NGF: variants seen among roughly 807,000 people sequenced by gnomAD.
NGF encodes the protein beta-nerve growth factor.
A neutral mutation model predicts 12.8 loss-of-function variants in NGF; 4 were observed. The ratio of observed to expected loss-of-function variants is 0.31; its 90% CI spans 0.15 to 0.72. The LOEUF is 0.72. Ranked by LOEUF, NGF falls within the 30% of genes least tolerant of loss-of-function variation. The probability of loss-of-function intolerance (pLI) is 0.69; values close to 1 mark genes in which losing one functional copy is unlikely to be tolerated. For synonymous variants in NGF, 140 were observed against 130.0 expected, an observed-to-expected ratio of 1.08 and a Z score of -0.52; for missense variants, 283 against 330.8, an observed-to-expected ratio of 0.86 and a Z score of 1.12.
intron 1 of NGF, among the ~76,000 whole-genome samples, chr1:115,329,744 CTTTTTTTTTTT>C (rs1039991768): frequency 3.4e-4 from 35 of 103,980 alleles, no homozygotes; most frequent in African/African-American, 1.2e-3. Context: ...TTCTTTCTTT[CTTTTTTTTTTT>C]TTTTTTTTTT....
At chr1:115,321,118 G>A (rs921796403) in intron 1 of NGF, among the ~76,000 whole-genome samples, 4 of 152,288 alleles carry the variant, frequency 2.6e-5, no homozygotes, top group South Asian at 4.1e-4. Flanking sequence ...GGACCAGCAC[G>A]TGGAACTCTC....
intron 1 of NGF, among the ~76,000 whole-genome samples, chr1:115,302,995 T>C (rs1440841010): frequency 6.6e-6 from 1 of 152,188 alleles, no homozygotes; most frequent in Admixed American, 6.5e-5. Flanking sequence ...TTTTCCTTCT[T>C]TCCACAGACC....
At chr1:115,302,711 G>A (rs1263777253) in intron 1 of NGF, among the ~76,000 whole-genome samples, 3 of 152,264 alleles carry the variant, frequency 2.0e-5, no homozygotes, top group East Asian at 1.9e-4. Flanking sequence ...AGAGAGTGTC[G>A]CCTTTTGTCC....
intron 1 of NGF, among the ~76,000 whole-genome samples, chr1:115,312,075 G>A (rs147068751): frequency 6.6e-6 from 1 of 152,338 alleles, no homozygotes; most frequent in East Asian, 1.9e-4. Flanking sequence ...CACTTAAGTT[G>A]TGTCTATAAG....
chr1:115,335,282 A>C (rs1306304759), intron 1 of NGF, among the ~76,000 whole-genome samples: 2 of 152,220 alleles, frequency 1.3e-5, no homozygotes, highest in Non-Finnish European at 2.9e-5. Context: ...CCTCAGGATC[A>C]TCCTGGCCTT....
At chr1:115,292,787 A>T (rs1653743940) in intron 2 of NGF, among the ~76,000 whole-genome samples, 1 of 152,156 alleles carries the variant, frequency 6.6e-6, no homozygotes, top group Non-Finnish European at 1.5e-5. Flanking sequence ...ATAAATCCAG[A>T]TATTAGGGAA....
chr1:115,312,794 C>A (rs924991734), intron 1 of NGF, among the ~76,000 whole-genome samples: 2 of 152,120 alleles, frequency 1.3e-5, no homozygotes, highest in African/African-American at 4.8e-5. Context: ...ACCCCTGGAA[C>A]ATCAAAAGGG....
intron 1 of NGF, among the ~76,000 whole-genome samples, chr1:115,303,596 C>A (rs1048267105): frequency 2.0e-5 from 3 of 152,144 alleles, no homozygotes; most frequent in Non-Finnish European, 4.4e-5. Flanking sequence ...CCACCAACAT[C>A]CTACCACCAC....
intron 1 of NGF, among the ~76,000 whole-genome samples, chr1:115,333,499 TAAAAAA>T (rs34024301): frequency 1.3e-5 from 1 of 76,594 alleles, no homozygotes; most frequent in African/African-American, 5.0e-5. Context: ...ATAGTACTAC[TAAAAAA>T]AAAAAAAAAA....
chr1:115,319,922 T>C (rs1437098798), intron 1 of NGF, among the ~76,000 whole-genome samples: 1 of 152,114 alleles, frequency 6.6e-6, no homozygotes, highest in Non-Finnish European at 1.5e-5. Flanking sequence ...GGTTGATAAA[T>C]ATCATTAGAT....
chr1:115,329,916 A>C (rs1406843049), intron 1 of NGF, among the ~76,000 whole-genome samples: 2 of 151,598 alleles, frequency 1.3e-5, no homozygotes. Flanking sequence ...ATGCCTGGCT[A>C]ATTTTTTTAT....
chr1:115,304,375 T>C (rs1043941372), intron 1 of NGF, among the ~76,000 whole-genome samples: 3 of 125,392 alleles, frequency 2.4e-5, no homozygotes, highest in African/African-American at 8.7e-5. Flanking sequence ...GGTTTCACCA[T>C]GTTGGCCAGG....
At chr1:115,308,381 G>GA (rs1303355930) in intron 1 of NGF, among the ~76,000 whole-genome samples, 2 of 152,206 alleles carry the variant, frequency 1.3e-5, no homozygotes, top group Non-Finnish European at 2.9e-5. Flanking sequence ...TGAGGCACCT[G>GA]AAAAACCACA....
chr1:115,307,999 G>T (rs1369428165), intron 1 of NGF, among the ~76,000 whole-genome samples: 1 of 152,190 alleles, frequency 6.6e-6, no homozygotes, highest in East Asian at 1.9e-4. Flanking sequence ...GGGGAATTGG[G>T]GTTTCCCATT....
At chr1:115,304,394 G>A (rs910751433) in intron 1 of NGF, among the ~76,000 whole-genome samples, 2 of 138,616 alleles carry the variant, frequency 1.4e-5, no homozygotes, top group South Asian at 2.4e-4. Flanking sequence ...GGCTGGTCTC[G>A]AACTGCTGAC....
At chr1:115,313,322 T>G (rs1268983146) in intron 1 of NGF, among the ~76,000 whole-genome samples, 2 of 152,230 alleles carry the variant, frequency 1.3e-5, no homozygotes, top group East Asian at 3.8e-4. Flanking sequence ...CCCAAGGGGC[T>G]TGTACTTTTA....
At chr1:115,322,216 A>C (rs1654649625) in intron 1 of NGF, among the ~76,000 whole-genome samples, 1 of 152,176 alleles carries the variant, frequency 6.6e-6, no homozygotes, top group African/African-American at 2.4e-5. Flanking sequence ...GCCCATGGCA[A>C]AAGCTAAGTC....
intron 1 of NGF, among the ~76,000 whole-genome samples, chr1:115,316,136 T>C (rs1339539700): frequency 6.6e-6 from 1 of 152,160 alleles, no homozygotes; most frequent in Non-Finnish European, 1.5e-5. Context: ...AGAGGAGCAG[T>C]CAGGGCCCTA....
intron 1 of NGF, among the ~76,000 whole-genome samples, chr1:115,298,698 T>C: frequency 6.6e-6 from 1 of 152,174 alleles, no homozygotes; most frequent in East Asian, 1.9e-4. Flanking sequence ...CCTAAATCTT[T>C]GGTGTTAAAA....
Sources: allele counts gnomAD v4.1 joint callset (sites outside exome capture counted in the v4.1 genomes callset), GRCh38; gene constraint gnomAD v4.1.1; transcripts MANE v1.5; gene names NCBI Gene and HGNC (gene_info 2026-07-23, HGNC 2026-07-21).